The following ASPRV1 variants were observed in gnomAD, a reference collection of about 807,000 sequenced individuals.
ASPRV1 encodes retroviral-like aspartic protease 1.
A neutral mutation model predicts 11.0 loss-of-function variants in ASPRV1; 7 were observed. The observed-to-expected ratio is 0.64, with a 90% CI of 0.36 to 1.20. The LOEUF is 1.20. ASPRV1 is among the 50% of genes most tolerant of loss of function. ASPRV1 has a pLI of 0.02. For missense variants in ASPRV1, 299 were observed against 320.0 expected, an observed-to-expected ratio of 0.93 and a Z score of 0.50; for synonymous variants, 136 against 138.4, an observed-to-expected ratio of 0.98 and a Z score of 0.12.
chr2:70,016,554 A>C, the ASPRV1 span, among the ~76,000 whole-genome samples: 2 of 152,128 alleles, frequency 1.3e-5, no homozygotes, highest in Admixed American at 1.3e-4. Context: ...ATTCAACAAC[A>C]CATTAAAAAG....
chr2:70,039,723 T>C, the ASPRV1 span, among the ~76,000 whole-genome samples: 1 of 152,176 alleles, frequency 6.6e-6, no homozygotes, highest in Non-Finnish European at 1.5e-5. Flanking sequence ...AACTCTCAAG[T>C]TTTCTTCCAA....
chr2:69,944,726 G>T, the ASPRV1 span, among the ~76,000 whole-genome samples: 2 of 152,080 alleles, frequency 1.3e-5, no homozygotes, highest in African/African-American at 4.8e-5. Flanking sequence ...AGAAAAATGG[G>T]AATTCACAAT....
At chr2:69,999,652 T>C in the ASPRV1 span, among the ~76,000 whole-genome samples, 2 of 106,548 alleles carry the variant, frequency 1.9e-5, no homozygotes, top group African/African-American at 4.5e-5. Context: ...CAAGACTCTG[T>C]CTCAAAAAAA....
the ASPRV1 span, among the ~76,000 whole-genome samples, chr2:70,021,527 C>A: frequency 5.1e-4 from 77 of 151,552 alleles, 2 homozygotes; most frequent in Non-Finnish European, 2.9e-5. Context: ...ACTGTGTTAG[C>A]CAGGATGGTC....
chr2:70,071,677 G>C, the ASPRV1 span: 1 of 152,200 alleles, frequency 6.6e-6, no homozygotes, highest in East Asian at 1.9e-4. Flanking sequence ...AGGAGGTGGA[G>C]GTTGCAGTGA....
At chr2:70,052,820 G>A in the ASPRV1 span, among the ~76,000 whole-genome samples, 2 of 152,104 alleles carry the variant, frequency 1.3e-5, no homozygotes, top group Non-Finnish European at 2.9e-5. Context: ...TTGAAGCAAG[G>A]CCACCTGACT....
chr2:69,938,509 A>G, the ASPRV1 span: 14 of 506,850 alleles, frequency 2.8e-5, no homozygotes, highest in Admixed American at 4.5e-4. Flanking sequence ...CTGAGAGACT[A>G]TACATTCCAA....
chr2:70,078,024 A>T, the ASPRV1 span, among the ~76,000 whole-genome samples: 1 of 148,042 alleles, frequency 6.8e-6, no homozygotes, highest in African/African-American at 2.5e-5. Context: ...AAAATTAGCC[A>T]GGCGTGGTGG....
At chr2:70,037,268 A>G in the ASPRV1 span, among the ~76,000 whole-genome samples, 1 of 152,120 alleles carries the variant, frequency 6.6e-6, no homozygotes, top group Non-Finnish European at 1.5e-5. Context: ...ATAATCAGTG[A>G]CTTGTTAGTC....
the ASPRV1 span, among the ~76,000 whole-genome samples, chr2:70,038,392 A>G: frequency 6.6e-6 from 1 of 152,226 alleles, no homozygotes. Flanking sequence ...AGCCTGGGCA[A>G]CATACCAAGA....
At chr2:70,017,463 G>A in the ASPRV1 span, among the ~76,000 whole-genome samples, 19 of 151,628 alleles carry the variant, frequency 1.3e-4, no homozygotes, top group South Asian at 2.1e-4. Flanking sequence ...AGTTTTTTTC[G>A]TAAGATTAGT....
At chr2:70,006,200 G>A in the ASPRV1 span, among the ~76,000 whole-genome samples, 141 of 152,282 alleles carry the variant, frequency 9.3e-4, no homozygotes, top group African/African-American at 3.3e-3. Flanking sequence ...TGCTGGGGCT[G>A]GGGGGTAAAA....
the ASPRV1 span, among the ~76,000 whole-genome samples, chr2:70,057,185 T>C: frequency 3.9e-5 from 6 of 152,004 alleles, no homozygotes; most frequent in South Asian, 6.2e-4. Context: ...GTGGATTGCT[T>C]GAGTCCACGT....
the ASPRV1 span, among the ~76,000 whole-genome samples, chr2:70,009,311 C>CTTGTTTATTTATTTATTTAT: frequency 6.8e-6 from 1 of 147,556 alleles, no homozygotes; most frequent in Non-Finnish European, 1.5e-5. Flanking sequence ...AATTTATTGT[C>CTTGTTTATTTATTTATTTAT]TTATTTATTT....
chr2:69,944,302 T>C, the ASPRV1 span, among the ~76,000 whole-genome samples: 2 of 152,244 alleles, frequency 1.3e-5, no homozygotes, highest in African/African-American at 4.8e-5. Context: ...CCTGACTTGT[T>C]CACAGTAGCT....
the ASPRV1 span, chr2:69,996,635 T>C: frequency 2.3e-6 from 1 of 441,058 alleles, no homozygotes; most frequent in East Asian, 7.0e-5. Context: ...CACCTGAAAT[T>C]CTAAATGCAA....
At chr2:70,055,424 C>T in the ASPRV1 span, among the ~76,000 whole-genome samples, 1 of 152,126 alleles carries the variant, frequency 6.6e-6, no homozygotes, top group African/African-American at 2.4e-5. Context: ...AAATATGGTA[C>T]ATATAAACCA....
At chr2:69,967,135 G>A in the ASPRV1 span, among the ~76,000 whole-genome samples, 10 of 152,196 alleles carry the variant, frequency 6.6e-5, no homozygotes, top group African/African-American at 2.2e-4. Context: ...TAGGTGGGTT[G>A]ATTCAATTCC....
the ASPRV1 span, among the ~76,000 whole-genome samples, chr2:70,032,746 T>C: frequency 6.6e-6 from 1 of 152,192 alleles, no homozygotes; most frequent in African/African-American, 2.4e-5. Context: ...TCTTTACCCC[T>C]AATGATATAT....
Sources: allele counts gnomAD v4.1 joint callset (sites outside exome capture counted in the v4.1 genomes callset), GRCh38; gene constraint gnomAD v4.1.1; transcripts MANE v1.5; gene names NCBI Gene and HGNC (gene_info 2026-07-23, HGNC 2026-07-21).